Variants in PCDHAC1 observed in about 807,000 individuals in gnomAD.
PCDHAC1 encodes the protein protocadherin alpha-C1.
A neutral mutation model predicts 60.0 loss-of-function variants in PCDHAC1; 42 were observed. The observed-to-expected ratio is 0.70, with a 90% CI of 0.55 to 0.90. PCDHAC1 has a LOEUF of 0.90. Among genes scored for constraint, PCDHAC1 ranks in the 40% least tolerant of loss-of-function variants. The pLI is 0.00. For synonymous variants in PCDHAC1, 468 were observed against 499.3 expected (o/e 0.94, Z 0.84); for missense variants, 1,160 against 1,222.3 (o/e 0.95, Z 0.76).
chr5:141,000,163 A>G (rs2097894710), intron 3 of PCDHAC1, among the ~76,000 whole-genome samples: 1 of 152,054 alleles, frequency 6.6e-6, no homozygotes, highest in African/African-American at 2.4e-5. Context: ...AAACTATTTG[A>G]TTATTGAGCC....
chr5:140,975,763 C>A (rs2096681691), intron 1 of PCDHAC1, among the ~76,000 whole-genome samples: 1 of 152,140 alleles, frequency 6.6e-6, no homozygotes, highest in Non-Finnish European at 1.5e-5. Context: ...TGTCATAAAT[C>A]ACAGATAATA....
intron 1 of PCDHAC1, among the ~76,000 whole-genome samples, chr5:140,955,135 G>A (rs114298661): frequency 0.017 from 2,539 of 152,204 alleles, 31 homozygotes; most frequent in Middle Eastern, 0.034. Flanking sequence ...TGGTCTACAC[G>A]TCTGTTTTTG....
At chr5:140,935,894 C>CT (rs55841305) in intron 1 of PCDHAC1, among the ~76,000 whole-genome samples, 11,084 of 136,696 alleles carry the variant, frequency 0.081, 520 homozygotes, top group Middle Eastern at 0.14. Context: ...TCAATATTAT[C>CT]TTTTTTTTTT....
chr5:140,987,277 A>C (rs1326809190), intron 3 of PCDHAC1, among the ~76,000 whole-genome samples: 2 of 152,122 alleles, frequency 1.3e-5, no homozygotes, highest in African/African-American at 4.8e-5. Flanking sequence ...CCGGCAGTCT[A>C]TGTTTTAACA....
At chr5:141,008,698 G>A (rs246582) in intron 3 of PCDHAC1, among the ~76,000 whole-genome samples, 2,594 of 152,212 alleles carry the variant, frequency 0.017, 88 homozygotes, top group African/African-American at 0.059. Context: ...GTATTAAGTT[G>A]GTTTCTAGTT....
Position 140,927,953 on chromosome 5 carries a change from C to T in PCDHAC1, c.1061C>T (p.Ala354Val), listed in dbSNP as rs782230690. The change falls in exon 1 of 4, where the codon GCC (alanine) becomes GTC (valine). Residue 354 changes from alanine (A) to valine (V), a missense_variant. Ala to Val is a moderately conservative substitution (Grantham distance 64). Transcript: ENST00000253807. ...TLSNPVPEDA[A>V]PGTVIALFSV... ...TCGAACCCAGTACCTGAGGACGCTG[C>T]CCCTGGCACAGTGATTGCTCTCTTT... 48 of 1,614,090 alleles carry T rather than the reference C, an allele frequency of 3.0e-5. No individual in the cohort carries two copies. Among genetic ancestry groups the T allele is most frequent in the Non-Finnish European group, 2.1e-5 (25 of 1,180,042 alleles).
At chr5:140,935,639 T>A (rs1377571192) in intron 1 of PCDHAC1, among the ~76,000 whole-genome samples, 2 of 152,192 alleles carry the variant, frequency 1.3e-5, no homozygotes, top group African/African-American at 4.8e-5. Context: ...AGGGCTTGCT[T>A]TTTAAATTTT....
chr5:140,955,468 T>C (rs1394591179), intron 1 of PCDHAC1, among the ~76,000 whole-genome samples: 1 of 152,116 alleles, frequency 6.6e-6, no homozygotes, highest in Non-Finnish European at 1.5e-5. Context: ...TCCTTTTTGC[T>C]TGGCACCTCT....
At chr5:140,985,619 G>A (rs961379624) in intron 3 of PCDHAC1, among the ~76,000 whole-genome samples, 1 of 152,064 alleles carries the variant, frequency 6.6e-6, no homozygotes, top group Non-Finnish European at 1.5e-5. Flanking sequence ...TGAACCAGCT[G>A]TGTATTGCTC....
At chr5:140,955,008 C>T (rs1393836611) in intron 1 of PCDHAC1, among the ~76,000 whole-genome samples, 2 of 152,142 alleles carry the variant, frequency 1.3e-5, no homozygotes, top group Non-Finnish European at 2.9e-5. Flanking sequence ...CCAATTCTCC[C>T]AGCACCATTT....
intron 3 of PCDHAC1, among the ~76,000 whole-genome samples, chr5:140,988,287 C>A (rs2097291303): frequency 6.6e-6 from 1 of 152,240 alleles, no homozygotes; most frequent in Non-Finnish European, 1.5e-5. Context: ...TGCCATCTGA[C>A]AGCCCAGGAG....
intron 1 of PCDHAC1, chr5:140,967,330 C>G: frequency 6.2e-7 from 1 of 1,608,074 alleles, no homozygotes; most frequent in South Asian, 1.1e-5. Context: ...ACGAGCTCAG[C>G]CCCAGCGAGC....
intron 1 of PCDHAC1, 163 bp from the exon 2 acceptor site, chr5:140,978,786 G>C (rs2096822943): frequency 1.4e-5 from 14 of 972,674 alleles, no homozygotes; most frequent in Non-Finnish European, 1.3e-5. Context: ...CTTCTAAAGT[G>C]CTATATATGT....
chr5:140,946,491 G>T (rs1292553232), intron 1 of PCDHAC1, among the ~76,000 whole-genome samples: 2 of 151,676 alleles, frequency 1.3e-5, no homozygotes, highest in Middle Eastern at 3.4e-3. Context: ...CAAAGGAAAT[G>T]AAATCAGTAT....
intron 3 of PCDHAC1, among the ~76,000 whole-genome samples, chr5:140,987,146 G>A (rs942853645): frequency 1.3e-5 from 2 of 151,812 alleles, no homozygotes; most frequent in Non-Finnish European, 2.9e-5. Flanking sequence ...CTCGGGAGGT[G>A]GAGGTTGCAG....
intron 1 of PCDHAC1, among the ~76,000 whole-genome samples, chr5:140,939,059 T>C (rs2092309221): frequency 6.6e-6 from 1 of 152,234 alleles, no homozygotes; most frequent in Non-Finnish European, 1.5e-5. Flanking sequence ...TTTGGGCTGC[T>C]ATATCAAAAT....
At chr5:140,996,123 G>A (rs1554255007) in intron 3 of PCDHAC1, among the ~76,000 whole-genome samples, 2 of 152,238 alleles carry the variant, frequency 1.3e-5, no homozygotes, top group African/African-American at 2.4e-5. Flanking sequence ...GCAGGGTGGT[G>A]TAGAGGGTTC....
Position 140,950,516 on chromosome 5 carries a change from G to A in PCDHAC1, c.2433+21191G>A, listed in dbSNP as rs184772904. ...ATTTAAGTCATTATTCCCTGTGTGCGATATGATTGTTTTTGTTGCTCTTGC... is the reference window on the plus strand; with the variant it reads ...ATTTAAGTCATTATTCCCTGTGTGCAATATGATTGTTTTTGTTGCTCTTGC... On this transcript the variant is annotated intron_variant, in intron 1 of 3. Coordinates refer to ENST00000253807, the MANE Select transcript of PCDHAC1 (RefSeq NM_018898.5). Among the ~76,000 whole-genome samples, 6 of 152,110 alleles carry A rather than the reference G, an allele frequency of 3.9e-5. No individual in the cohort carries two copies. The East Asian group carries it at 9.6e-4, about 24-fold the overall frequency.
At chr5:140,933,928 T>G (rs1055877190) in intron 1 of PCDHAC1, among the ~76,000 whole-genome samples, 1 of 152,080 alleles carries the variant, frequency 6.6e-6, no homozygotes, top group Non-Finnish European at 1.5e-5. Flanking sequence ...TGTCCTGTTG[T>G]GACTTTTTTT....
Sources: gnomAD v4.1 joint callset for allele counts (sites outside exome capture counted in the v4.1 genomes callset) on GRCh38, gnomAD v4.1.1 for gene constraint, MANE v1.5 for transcripts, NCBI Gene and HGNC (gene_info 2026-07-23, HGNC 2026-07-21) for gene names.